GPC6: variants seen among roughly 807,000 people sequenced by gnomAD.
GPC6 encodes glypican-6.
GPC6 carries 14 observed loss-of-function variants against 55.2 expected under a neutral mutation model. That is an observed-to-expected ratio of 0.25 (90% confidence interval 0.17 to 0.40). The LOEUF is 0.40. GPC6 is among the 10% of genes least tolerant of loss of function. The pLI is 1.00. For missense variants in GPC6, 641 were observed against 708.5 expected, an observed-to-expected ratio of 0.90 and a Z score of 1.08; for synonymous variants, 278 against 259.6, an observed-to-expected ratio of 1.07 and a Z score of -0.68.
intron 4 of GPC6, among the ~76,000 whole-genome samples, chr13:94,166,585 G>A (rs988982930): frequency 1.4e-4 from 21 of 152,148 alleles, no homozygotes; most frequent in Admixed American, 1.4e-3. Context: ...ATTGAACATA[G>A]AGATTTCAAA....
intron 1 of GPC6, among the ~76,000 whole-genome samples, chr13:93,418,436 A>ATTAACAGCACTATACCATAGTATTG (rs1566346199): frequency 6.6e-6 from 1 of 151,250 alleles, no homozygotes; most frequent in African/African-American, 2.4e-5. Flanking sequence ...CCATAGTATT[A>ATTAACAGCACTATACCATAGTATTG]CTTTATTAAT....
At chr13:94,065,924 T>C (rs1277977391) in intron 4 of GPC6, among the ~76,000 whole-genome samples, 1 of 152,220 alleles carries the variant, frequency 6.6e-6, no homozygotes, top group Non-Finnish European at 1.5e-5. Flanking sequence ...CTCACTCAAG[T>C]AACACTTCCA....
chr13:94,320,348 T>A (rs1288116576), intron 6 of GPC6, among the ~76,000 whole-genome samples: 4 of 152,218 alleles, frequency 2.6e-5, no homozygotes, highest in Non-Finnish European at 4.4e-5. Flanking sequence ...TTCTAATATC[T>A]GAAGAGTTTG....
At chr13:93,632,637 A>AT (rs1237552998) in intron 2 of GPC6, among the ~76,000 whole-genome samples, 1 of 144,210 alleles carries the variant, frequency 6.9e-6, no homozygotes, top group Non-Finnish European at 1.5e-5. Context: ...ATATATATAT[A>AT]ATAAAATAAA....
chr13:93,289,533 T>C (rs1317069578), intron 1 of GPC6, among the ~76,000 whole-genome samples: 1 of 152,186 alleles, frequency 6.6e-6, no homozygotes, highest in African/African-American at 2.4e-5. Flanking sequence ...TTATATGTAG[T>C]ATATAAATAT....
chr13:93,964,822 C>T (rs755134860), intron 3 of GPC6, among the ~76,000 whole-genome samples: 2 of 152,070 alleles, frequency 1.3e-5, no homozygotes, highest in Non-Finnish European at 2.9e-5. Flanking sequence ...GAAAATAGCC[C>T]AAAGTTTTCC....
the GPC6 span, among the ~76,000 whole-genome samples, chr13:93,216,751 G>C: frequency 2.6e-5 from 4 of 152,136 alleles, no homozygotes; most frequent in Non-Finnish European, 5.9e-5. Flanking sequence ...CTCTGGGAAG[G>C]CAGGTATGTC....
chr13:93,418,775 G>A (rs553461515), intron 1 of GPC6, among the ~76,000 whole-genome samples: 1 of 151,258 alleles, frequency 6.6e-6, no homozygotes, highest in Non-Finnish European at 1.5e-5. Flanking sequence ...TTTATTAATG[G>A]CACTATACCA....
At chr13:93,770,770 T>TC (rs1885264357) in intron 2 of GPC6, among the ~76,000 whole-genome samples, 1 of 152,274 alleles carries the variant, frequency 6.6e-6, no homozygotes, top group South Asian at 2.1e-4. Context: ...TCTCAGCACT[T>TC]CAACTTAAGG....
At chr13:93,319,918 G>C (rs1879376279) in intron 1 of GPC6, among the ~76,000 whole-genome samples, 1 of 152,098 alleles carries the variant, frequency 6.6e-6, no homozygotes, top group Admixed American at 6.6e-5. Flanking sequence ...GAAACTAGAA[G>C]TGAAAGAAAA....
At chr13:93,404,535 G>A (rs890345178) in intron 1 of GPC6, among the ~76,000 whole-genome samples, 2 of 152,040 alleles carry the variant, frequency 1.3e-5, no homozygotes, top group Admixed American at 6.6e-5. Context: ...ATCTCAGGAC[G>A]TTTTGTGTAG....
At chr13:93,973,587 C>A (rs1427696060) in intron 3 of GPC6, among the ~76,000 whole-genome samples, 1 of 152,140 alleles carries the variant, frequency 6.6e-6, no homozygotes, top group African/African-American at 2.4e-5. Flanking sequence ...TGTGGTGAGA[C>A]AACAAAGCAT....
chr13:93,445,065 T>G (rs965214913), intron 1 of GPC6, among the ~76,000 whole-genome samples: 1 of 152,200 alleles, frequency 6.6e-6, no homozygotes, highest in African/African-American at 2.4e-5. Flanking sequence ...TCTTTGTTTA[T>G]GGTGAGTTGG....
At chr13:93,946,098 C>T (rs539119170) in intron 3 of GPC6, among the ~76,000 whole-genome samples, 1 of 152,286 alleles carries the variant, frequency 6.6e-6, no homozygotes, top group African/African-American at 2.4e-5. Flanking sequence ...CCGATCTCCA[C>T]AGTATAATAC....
intron 2 of GPC6, among the ~76,000 whole-genome samples, chr13:93,788,977 G>A (rs1276056414): frequency 6.6e-6 from 1 of 152,104 alleles, no homozygotes; most frequent in East Asian, 1.9e-4. Flanking sequence ...GAGAGTAGCA[G>A]GCAAGATAGA....
At chr13:93,295,299 A>C (rs1303518966) in intron 1 of GPC6, among the ~76,000 whole-genome samples, 3 of 148,716 alleles carry the variant, frequency 2.0e-5, no homozygotes, top group Admixed American at 6.7e-5. Flanking sequence ...TCAAAAAAAA[A>C]AAAAAAAAAA....
chr13:94,382,457 G>C lies in GPC6; in HGVS notation c.1196G>C (p.Trp399Ser), dbSNP rs1243119062. 1 of 1,613,914 alleles carries C rather than the reference G, an allele frequency of 6.2e-7. No individual in the cohort carries two copies. The highest frequency in any genetic ancestry group is 8.5e-7 in the Non-Finnish European group (1 of 1,179,918). ...KEKLKLSKKV[W>S]SALPYTICKD... ...AAATTGAAGCTCTCTAAAAAGGTCT[G>C]GTCAGCATTACCCTACACTATCTGC... Residue 399 changes from tryptophan (W) to serine (S), a missense_variant, in exon 7 of 9, where the codon TGG (tryptophan) becomes TCG (serine). Transcript: ENST00000377047.
At chr13:94,226,726 C>T (rs1271039994) in intron 4 of GPC6, among the ~76,000 whole-genome samples, 1 of 152,174 alleles carries the variant, frequency 6.6e-6, no homozygotes, top group Non-Finnish European at 1.5e-5. Flanking sequence ...AAGGAGATCA[C>T]TTCTCTCCTG....
chr13:93,817,054 C>A (rs1429345712), intron 2 of GPC6, among the ~76,000 whole-genome samples: 4 of 152,114 alleles, frequency 2.6e-5, no homozygotes, highest in African/African-American at 7.2e-5. Flanking sequence ...CAGCATCAAT[C>A]CTCATAGAAT....
Sources: gnomAD v4.1 joint callset for allele counts (sites outside exome capture counted in the v4.1 genomes callset) on GRCh38, gnomAD v4.1.1 for gene constraint, MANE v1.5 for transcripts, NCBI Gene and HGNC (gene_info 2026-07-23, HGNC 2026-07-21) for gene names.